Variants in CSMD3 observed in about 807,000 individuals in gnomAD.
CSMD3 encodes CUB and sushi domain-containing protein 3.
CSMD3 carries 177 observed loss-of-function variants against 435.2 expected under a neutral mutation model. The observed-to-expected ratio is 0.41, with a 90% confidence interval of 0.36 to 0.46. The LOEUF is 0.46. CSMD3 is among the 20% of genes least tolerant of loss of function. The pLI, the probability that CSMD3 is intolerant of heterozygous loss-of-function variation, is 0.34. For missense variants in CSMD3, 4,265 were observed against 4,504.6 expected (o/e 0.95, Z 1.52); for synonymous variants, 1,656 against 1,520.5 (o/e 1.09, Z -2.07).
chr8:112,644,054 A>T (rs894365081), intron 20 of CSMD3, among the ~76,000 whole-genome samples: 4 of 151,638 alleles, frequency 2.6e-5, no homozygotes, highest in Non-Finnish European at 5.9e-5. Flanking sequence ...AAAATTCAAT[A>T]ATATAATACA....
At chr8:112,288,854 T>C (rs1033803424) in intron 57 of CSMD3, among the ~76,000 whole-genome samples, 2 of 152,128 alleles carry the variant, frequency 1.3e-5, no homozygotes, top group Non-Finnish European at 2.9e-5. Flanking sequence ...TTAGGATAGA[T>C]AAATATCTTT....
chr8:112,654,091 T>C (rs1193737665), intron 18 of CSMD3, among the ~76,000 whole-genome samples: 1 of 152,198 alleles, frequency 6.6e-6, no homozygotes, highest in African/African-American at 2.4e-5. Context: ...CAAGCATTCC[T>C]TCCTATAGGA....
At chr8:112,950,241 G>T (rs1017035007) in intron 8 of CSMD3, among the ~76,000 whole-genome samples, 2 of 151,676 alleles carry the variant, frequency 1.3e-5, no homozygotes, top group African/African-American at 2.4e-5. Context: ...TGTTATCAAA[G>T]AACTGAACAT....
chr8:113,268,811 T>A (rs1374252528), intron 3 of CSMD3, among the ~76,000 whole-genome samples: 1 of 152,022 alleles, frequency 6.6e-6, no homozygotes, highest in Non-Finnish European at 1.5e-5. Flanking sequence ...ATGGAAAAAA[T>A]GTGGCATATG....
chr8:113,057,210 T>A, intron 5 of CSMD3, among the ~76,000 whole-genome samples: 1 of 149,792 alleles, frequency 6.7e-6, no homozygotes, highest in South Asian at 2.1e-4. Context: ...ATGTTTTCAG[T>A]TTTTGGAACT....
intron 10 of CSMD3, among the ~76,000 whole-genome samples, chr8:112,865,338 T>C (rs2080946996): frequency 6.6e-6 from 1 of 152,130 alleles, no homozygotes; most frequent in Non-Finnish European, 1.5e-5. Flanking sequence ...ATATATCAAC[T>C]GAGATCTGTC....
At chr8:113,434,850 A>C (rs2927868) in intron 1 of CSMD3, among the ~76,000 whole-genome samples, 44,597 of 152,000 alleles carry the variant, frequency 0.29, 6,852 homozygotes, top group Non-Finnish European at 0.34. Context: ...TCAGGCTGTA[A>C]TGCTCGCCCC....
At position 112,547,630 on chromosome 8, in the gene CSMD3, A is replaced by G. The variant is rs548902643; in HGVS notation, c.4564+3041T>C. 2.0e-5 allele frequency among the ~76,000 whole-genome samples: 3 copies of G among 152,280 alleles called. No homozygotes were observed. The South Asian group carries it at 6.2e-4, about 32-fold the overall frequency. ...TACTGGTCTTTATTTGGGGAAAAAG[A>G]AATACAACTACTGGAAGGAGCATGA... On this transcript the variant is annotated intron_variant, in intron 27 of 70. Coordinates refer to ENST00000297405, the MANE Select transcript of CSMD3 (RefSeq NM_198123.2).
chr8:113,163,544 C>G (rs1182101703), intron 4 of CSMD3, among the ~76,000 whole-genome samples: 1 of 151,652 alleles, frequency 6.6e-6, no homozygotes, highest in Non-Finnish European at 1.5e-5. Flanking sequence ...TATAAAGAAA[C>G]TTATTCTAGA....
At chr8:112,769,600 G>A (rs2078061605) in intron 13 of CSMD3, among the ~76,000 whole-genome samples, 1 of 152,034 alleles carries the variant, frequency 6.6e-6, no homozygotes, top group South Asian at 2.1e-4. Context: ...TTGTAGGCCT[G>A]TAACCTTCAC....
chr8:113,062,478 C>A (rs551935056), intron 5 of CSMD3, among the ~76,000 whole-genome samples: 1 of 151,894 alleles, frequency 6.6e-6, no homozygotes, highest in Admixed American at 6.6e-5. Context: ...ATGAAAAGCA[C>A]CTTGTATTTT....
At chr8:112,962,789 C>G (rs2084279054) in intron 7 of CSMD3, among the ~76,000 whole-genome samples, 1 of 151,870 alleles carries the variant, frequency 6.6e-6, no homozygotes, top group Non-Finnish European at 1.5e-5. Flanking sequence ...TTATATTTCC[C>G]TTTCCAGGTC....
At chr8:113,272,238 T>C (rs567082947) in intron 3 of CSMD3, among the ~76,000 whole-genome samples, 1 of 152,172 alleles carries the variant, frequency 6.6e-6, no homozygotes, top group African/African-American at 2.4e-5. Flanking sequence ...GAAGGCAGGA[T>C]TGATTTTGAA....
chr8:112,584,200 C>A lies in CSMD3; in HGVS notation c.3885+2866G>T, dbSNP rs376984404. 7.3e-5 allele frequency among the ~76,000 whole-genome samples: 11 copies of A among 151,412 alleles called. No homozygotes were observed. In the South Asian group the frequency reaches 1.9e-3, roughly 26 times the overall value. Reference sequence around the variant, plus strand: ...AACTTTCTTCATTTTAACACTAGAGCCAAAGAAGGATATAATCATAATTAC... The same window carrying A: ...AACTTTCTTCATTTTAACACTAGAGACAAAGAAGGATATAATCATAATTAC... On this transcript the variant is annotated intron_variant, in intron 23 of 70. Transcript: ENST00000297405.
intron 6 of CSMD3, among the ~76,000 whole-genome samples, chr8:112,992,789 CTG>C (rs1457050424): frequency 2.7e-5 from 4 of 150,778 alleles, no homozygotes; most frequent in Non-Finnish European, 5.9e-5. Context: ...GTTTGTGTGC[CTG>C]TGTGTGTGTG....
chr8:112,871,279 A>G (rs2081128102), intron 10 of CSMD3, among the ~76,000 whole-genome samples: 1 of 152,228 alleles, frequency 6.6e-6, no homozygotes, highest in South Asian at 2.1e-4. Flanking sequence ...CAGAAATTAT[A>G]GAAGATACAA....
chr8:112,805,747 T>C (rs2079070694), intron 12 of CSMD3, among the ~76,000 whole-genome samples: 2 of 152,234 alleles, frequency 1.3e-5, no homozygotes, highest in Non-Finnish European at 2.9e-5. Flanking sequence ...TTTACATTTC[T>C]GTTGCTGTTT....
chr8:112,366,077 C>A (rs1827759686), intron 38 of CSMD3, among the ~76,000 whole-genome samples: 1 of 152,100 alleles, frequency 6.6e-6, no homozygotes, highest in Admixed American at 6.5e-5. Flanking sequence ...CCAGTACAAT[C>A]CTGAAGACAA....
At position 112,941,556 on chromosome 8, in the gene CSMD3, C is replaced by T. The variant is rs1380576379; in HGVS notation, c.1508+6234G>A. ...AGAACTATTCTTATCTCTTCTACAT[C>T]TCTTCATAATTGAAATATCTCTTTT... On this transcript the variant is annotated intron_variant, in intron 9 of 70. Coordinates refer to ENST00000297405, the MANE Select transcript of CSMD3 (RefSeq NM_198123.2). Among the ~76,000 whole-genome samples, 12 of 151,840 alleles carry T rather than the reference C, an allele frequency of 7.9e-5. No homozygotes were observed. The East Asian group carries it at 2.3e-3, about 29-fold the overall frequency.
Sources: allele counts gnomAD v4.1 joint callset (sites outside exome capture counted in the v4.1 genomes callset), GRCh38; gene constraint gnomAD v4.1.1; transcripts MANE v1.5; gene names NCBI Gene and HGNC (gene_info 2026-07-23, HGNC 2026-07-21).